The following PYHIN1 variants were observed in gnomAD, a reference collection of about 807,000 sequenced individuals.
The protein encoded by PYHIN1 is pyrin and HIN domain family member 1.
In PYHIN1, 32 loss-of-function variants were observed where a neutral mutation model predicts 43.7. That is an observed-to-expected ratio of 0.73 (90% confidence interval 0.55 to 0.98). The LOEUF (loss-of-function observed/expected upper bound fraction) is 0.98. Ranked by LOEUF, PYHIN1 falls within the 50% of genes least tolerant of loss-of-function variation. The probability of loss-of-function intolerance (pLI) is 0.00; values close to 1 mark genes in which losing one functional copy is unlikely to be tolerated. For synonymous variants in PYHIN1, 205 were observed against 203.1 expected (o/e 1.01, Z -0.08); for missense variants, 588 against 589.5 (o/e 1.00, Z 0.03).
At position 158,944,939 on chromosome 1, in the gene PYHIN1, G is replaced by T; in HGVS notation, c.1256G>T (p.Ser419Ile). The change falls in exon 7 of 9, where the codon AGT (serine) becomes ATT (isoleucine). Residue 419 changes from serine (S) to isoleucine (I), a missense_variant. Physicochemically the swap from Ser to Ile is moderately radical, Grantham distance 142. Transcript: ENST00000368140. The part of the protein sequence containing the change: ...SRSMALPQEQ[S>I]QHPKPSEAST... Reference sequence around the variant, plus strand: ...AGCATGGCACTACCCCAGGAACAGAGTCAGCATCCAAAACCTTCAGAGGCC... The same window carrying T: ...AGCATGGCACTACCCCAGGAACAGATTCAGCATCCAAAACCTTCAGAGGCC... 6.2e-7 allele frequency: 1 copy of T among 1,613,716 alleles called. No homozygotes were observed. The highest frequency in any genetic ancestry group is 8.5e-7 in the Non-Finnish European group (1 of 1,179,804).
At chr1:158,932,173 G>A (rs1015905306) in intron 1 of PYHIN1, among the ~76,000 whole-genome samples, 9 of 152,078 alleles carry the variant, frequency 5.9e-5, no homozygotes, top group East Asian at 1.9e-4. Context: ...ACATGGATAC[G>A]GCTAGAGAAC....
chr1:158,945,935 T>TA (rs200201154), intron 7 of PYHIN1, among the ~76,000 whole-genome samples: 33 of 151,314 alleles, frequency 2.2e-4, no homozygotes, highest in South Asian at 6.3e-4. Flanking sequence ...CACTCAAACA[T>TA]AAAAAAAAAG....
chr1:158,966,649 T>C (rs1482840528), intron 7 of PYHIN1, among the ~76,000 whole-genome samples: 2 of 152,036 alleles, frequency 1.3e-5, no homozygotes, highest in African/African-American at 4.8e-5. Context: ...CAGCTTTCAA[T>C]AAAATGCAAC....
In PYHIN1 at chr1:158,935,180, G is replaced by A. The variant is rs1181374188; in HGVS notation, c.-20-1711G>A. 2.6e-5 allele frequency among the ~76,000 whole-genome samples: 4 copies of A among 151,884 alleles called. No individual in the cohort carries two copies. The East Asian group carries it at 7.7e-4, about 29-fold the overall frequency. The stretch of plus-strand genomic sequence containing the variant: ...GTTGTAGGAGAGGCAGTCAGATAGA[G>A]GAATGTGGGAATGGCTTTCCAGGCA... On this transcript the variant is annotated intron_variant, in intron 1 of 8. Transcript: ENST00000368140.
chr1:158,943,786 G>A lies in PYHIN1; in HGVS notation c.1003-4G>A. The A allele has an allele frequency of 1.3e-6, 2 of 1,587,878 alleles. No individual in the cohort carries two copies. The highest frequency in any genetic ancestry group is 8.6e-7 in the Non-Finnish European group (1 of 1,162,762). ...ACAAACATGATATTAATTTTTTGTT[G>A]CAGAAAATTGTAAATAGGAAGACGA... On this transcript the variant is annotated splice_polypyrimidine_tract_variant and splice_region_variant and intron_variant, in intron 5 of 8. Transcript: ENST00000368140.
chr1:158,967,736 A>G (rs1650705821), intron 7 of PYHIN1, among the ~76,000 whole-genome samples: 1 of 152,052 alleles, frequency 6.6e-6, no homozygotes. Context: ...GTACTGGTAC[A>G]AAAACAGACA....
intron 2 of PYHIN1, among the ~76,000 whole-genome samples, chr1:158,937,604 C>CG (rs1381906671): frequency 1.3e-5 from 2 of 152,068 alleles, no homozygotes; most frequent in Non-Finnish European, 2.9e-5. Context: ...GCATTGCTCC[C>CG]GGAAGTGTGA....
At chr1:158,938,610 A>C in intron 3 of PYHIN1, 68 bp downstream of exon 3, 1 of 1,530,444 alleles carries the variant, frequency 6.5e-7, no homozygotes, top group Non-Finnish European at 8.9e-7. Flanking sequence ...TGTTCCACTC[A>C]ATCTGTCCAG....
chr1:158,937,944 C>CAAAAAAAA (rs11444947), intron 2 of PYHIN1, among the ~76,000 whole-genome samples: 1 of 114,214 alleles, frequency 8.8e-6, no homozygotes, highest in Non-Finnish European at 1.8e-5. Flanking sequence ...GACTCCGTCT[C>CAAAAAAAA]AAAAAAAAAA....
At chr1:158,971,836 C>A (rs965774068) in intron 7 of PYHIN1, among the ~76,000 whole-genome samples, 1 of 151,868 alleles carries the variant, frequency 6.6e-6, no homozygotes, top group Non-Finnish European at 1.5e-5. Context: ...CAATCACACA[C>A]CTACAGAATT....
intron 8 of PYHIN1, among the ~76,000 whole-genome samples, chr1:158,976,471 C>T (rs375146613): frequency 6.6e-6 from 1 of 151,918 alleles, no homozygotes. Flanking sequence ...CACGTGGGCT[C>T]ATGCTGGGTA....
chr1:158,955,014 C>T (rs1649826389), intron 7 of PYHIN1, among the ~76,000 whole-genome samples: 1 of 152,050 alleles, frequency 6.6e-6, no homozygotes, highest in African/African-American at 2.4e-5. Context: ...AAGGCCATTA[C>T]ATAATGATAA....
At chr1:158,969,398 A>G (rs1268202163) in intron 7 of PYHIN1, among the ~76,000 whole-genome samples, 1 of 151,926 alleles carries the variant, frequency 6.6e-6, no homozygotes, top group Admixed American at 6.6e-5. Flanking sequence ...CTGAGTCACT[A>G]TCTTCCAATC....
At position 158,937,115 on chromosome 1, in the gene PYHIN1, T is replaced by G. The variant is rs1648606193; in HGVS notation, c.205T>G (p.Phe69Val). The G allele has an allele frequency of 6.2e-7, 1 of 1,612,238 alleles. No individual in the cohort carries two copies. The highest frequency in any genetic ancestry group is 1.7e-5 in the Admixed American group (1 of 59,598). The change falls in exon 2 of 9, where the codon TTC (phenylalanine) becomes GTC (valine). Residue 69 changes from phenylalanine (F) to valine (V), a missense_variant. Transcript: ENST00000368140. ...DAGLGKLIEFFKEIPTLGDLA... is the reference protein window; with the variant it reads ...DAGLGKLIEFVKEIPTLGDLA... The stretch of plus-strand genomic sequence containing the variant: ...CGGTTTGGGCAAACTAATAGAATTC[T>G]TCAAAGAAATACCAACACTGGGAGA...
At chr1:158,974,260 C>T (rs1651114832) in intron 8 of PYHIN1, among the ~76,000 whole-genome samples, 2 of 152,008 alleles carry the variant, frequency 1.3e-5, no homozygotes, top group Non-Finnish European at 2.9e-5. Context: ...AACCAAAATC[C>T]CCCTTCCTCA....
At chr1:158,954,863 C>T (rs1649816539) in intron 7 of PYHIN1, among the ~76,000 whole-genome samples, 2 of 150,614 alleles carry the variant, frequency 1.3e-5, no homozygotes, top group South Asian at 2.1e-4. Context: ...ACCCATCTCA[C>T]ATGCAGAGAC....
chr1:158,938,309 G>T, intron 2 of PYHIN1, 88 bp from the exon 3 acceptor site: 1 of 1,394,088 alleles, frequency 7.2e-7, no homozygotes. Flanking sequence ...CCCTCAAGCA[G>T]GAGCTAAGAG....
intron 4 of PYHIN1, among the ~76,000 whole-genome samples, chr1:158,941,414 G>A (rs1231139755): frequency 6.6e-6 from 1 of 152,168 alleles, no homozygotes; most frequent in African/African-American, 2.4e-5. Flanking sequence ...AACCTACTGA[G>A]ATGAGGGCAT....
intron 7 of PYHIN1, among the ~76,000 whole-genome samples, chr1:158,950,878 A>C (rs1288392319): frequency 6.6e-6 from 1 of 152,202 alleles, no homozygotes; most frequent in Non-Finnish European, 1.5e-5. Context: ...CATAAGCTGG[A>C]CCATTATCAG....
Sources: allele counts gnomAD v4.1 joint callset (sites outside exome capture counted in the v4.1 genomes callset), GRCh38; gene constraint gnomAD v4.1.1; transcripts MANE v1.5; gene names NCBI Gene and HGNC (gene_info 2026-07-23, HGNC 2026-07-21).